The following CDH18 variants were observed in gnomAD, a reference collection of about 807,000 sequenced individuals.
CDH18 encodes cadherin-18.
CDH18 carries 31 observed loss-of-function variants against 67.9 expected under a neutral mutation model. That is an observed-to-expected ratio of 0.46 (90% confidence interval 0.34 to 0.62). The LOEUF (loss-of-function observed/expected upper bound fraction) is 0.62. Ranked by LOEUF, CDH18 falls within the 20% of genes least tolerant of loss-of-function variation. CDH18 has a pLI of 0.01. For missense variants in CDH18, 890 were observed against 975.5 expected (o/e 0.91, Z 1.17); for synonymous variants, 362 against 347.2 (o/e 1.04, Z -0.48).
intron 1 of CDH18, among the ~76,000 whole-genome samples, chr5:20,430,442 T>C (rs1748650347): frequency 6.6e-6 from 1 of 152,104 alleles, no homozygotes; most frequent in African/African-American, 2.4e-5. Context: ...TTCTCACCCA[T>C]AGCTGCCATC....
chr5:20,198,035 T>C (rs1318377623), intron 2 of CDH18, among the ~76,000 whole-genome samples: 1 of 152,078 alleles, frequency 6.6e-6, no homozygotes, highest in Non-Finnish European at 1.5e-5. Context: ...TACCGCCCTG[T>C]GAAGAGGTGC....
At chr5:20,183,373 T>C (rs1436614231) in intron 2 of CDH18, among the ~76,000 whole-genome samples, 1 of 152,088 alleles carries the variant, frequency 6.6e-6, no homozygotes, top group Non-Finnish European at 1.5e-5. Context: ...CTATTTCATT[T>C]AGAAAAATGA....
At chr5:19,681,180 A>G (rs543271321) in intron 5 of CDH18, among the ~76,000 whole-genome samples, 1 of 152,114 alleles carries the variant, frequency 6.6e-6, no homozygotes, top group East Asian at 1.9e-4. Context: ...CAAATACTGC[A>G]TTTTCTCACT....
At chr5:19,837,761 A>AT (rs200737503) in intron 3 of CDH18, among the ~76,000 whole-genome samples, 2,947 of 151,056 alleles carry the variant, frequency 0.02, 83 homozygotes, top group Admixed American at 0.065. Context: ...ATGGAATACT[A>AT]TTTTTTTTAG....
intron 8 of CDH18, among the ~76,000 whole-genome samples, chr5:19,554,862 TTTAA>T (rs576435070): frequency 1.3e-3 from 200 of 152,202 alleles, no homozygotes; most frequent in African/African-American, 4.7e-3. Flanking sequence ...TAATTAATAA[TTTAA>T]TTATTTTAGA....
At chr5:19,741,224 CATGTATATATGTACATATATGT>C (rs1231861146) in intron 4 of CDH18, among the ~76,000 whole-genome samples, 1 of 73,840 alleles carries the variant, frequency 1.4e-5, no homozygotes, top group African/African-American at 2.8e-5. Context: ...TGTATATATA[CATGTATATATGTACATATATGT>C]ATGTATATAT....
chr5:19,531,609 T>TCACACA (rs10552517), intron 9 of CDH18, among the ~76,000 whole-genome samples: 31 of 148,814 alleles, frequency 2.1e-4, no homozygotes, highest in South Asian at 4.3e-4. Flanking sequence ...ATGTGTGTTC[T>TCACACA]CACACACACA....
intron 6 of CDH18, among the ~76,000 whole-genome samples, chr5:19,596,572 A>T (rs189546874): frequency 2.0e-5 from 3 of 152,174 alleles, no homozygotes; most frequent in Non-Finnish European, 4.4e-5. Context: ...AAATAAATAC[A>T]TTATAGAATT....
intron 2 of CDH18, among the ~76,000 whole-genome samples, chr5:19,876,221 G>A (rs1230349981): frequency 6.6e-6 from 1 of 152,020 alleles, no homozygotes; most frequent in African/African-American, 2.4e-5. Context: ...TATTGACAAA[G>A]AAATAATGAT....
chr5:19,561,691 T>C (rs1739478211), intron 8 of CDH18, among the ~76,000 whole-genome samples: 1 of 152,102 alleles, frequency 6.6e-6, no homozygotes. Context: ...AACAAGTAGT[T>C]GTATGACTAA....
At chr5:20,288,283 GA>G (rs768336565) in intron 1 of CDH18, among the ~76,000 whole-genome samples, 6 of 151,594 alleles carry the variant, frequency 4.0e-5, no homozygotes, top group Admixed American at 2.6e-4. Flanking sequence ...AGCATGTCTG[GA>G]AAAAGTGAAT....
chr5:20,233,726 T>C (rs1240993043), intron 2 of CDH18, among the ~76,000 whole-genome samples: 1 of 152,162 alleles, frequency 6.6e-6, no homozygotes, highest in Non-Finnish European at 1.5e-5. Context: ...AGTATTGTTA[T>C]CATATCTGTT....
chr5:20,324,012 T>C (rs1738293439), intron 1 of CDH18, among the ~76,000 whole-genome samples: 1 of 152,188 alleles, frequency 6.6e-6, no homozygotes, highest in Admixed American at 6.5e-5. Context: ...AGATTAATCT[T>C]CTTTCACACA....
intron 3 of CDH18, among the ~76,000 whole-genome samples, chr5:19,797,753 T>TC (rs1777010253): frequency 6.6e-6 from 1 of 152,090 alleles, no homozygotes; most frequent in South Asian, 2.1e-4. Context: ...TGTCAGTTCT[T>TC]CCCAAATCTA....
intron 1 of CDH18, among the ~76,000 whole-genome samples, chr5:20,510,827 C>A (rs1754987856): frequency 6.6e-6 from 1 of 151,948 alleles, no homozygotes; most frequent in Admixed American, 6.6e-5. Context: ...AGTGTTAATG[C>A]AATGTTATTA....
At chr5:20,475,286 ATTT>A (rs112011491) in intron 1 of CDH18, among the ~76,000 whole-genome samples, 4 of 151,612 alleles carry the variant, frequency 2.6e-5, no homozygotes, top group African/African-American at 9.7e-5. Flanking sequence ...GCATTTGCTG[ATTT>A]TTTTTTATGT....
intron 9 of CDH18, among the ~76,000 whole-genome samples, chr5:19,528,062 T>A (rs1748016197): frequency 6.6e-6 from 1 of 151,892 alleles, no homozygotes; most frequent in Non-Finnish European, 1.5e-5. Flanking sequence ...GAAATTGTAT[T>A]GATTATAAAG....
intron 8 of CDH18, among the ~76,000 whole-genome samples, chr5:19,548,752 C>CCTT (rs915347188): frequency 7.3e-6 from 1 of 137,844 alleles, no homozygotes. Context: ...TATTTATCAG[C>CCTT]TTTTTTTTTT....
At chr5:20,345,317 C>T (rs530330417) in intron 1 of CDH18, among the ~76,000 whole-genome samples, 53 of 152,236 alleles carry the variant, frequency 3.5e-4, no homozygotes, top group African/African-American at 1.1e-3. Flanking sequence ...GTAATTCTCA[C>T]GATAAGGCAA....
Sources: gnomAD v4.1 joint callset for allele counts (sites outside exome capture counted in the v4.1 genomes callset) on GRCh38, gnomAD v4.1.1 for gene constraint, MANE v1.5 for transcripts, NCBI Gene and HGNC (gene_info 2026-07-23, HGNC 2026-07-21) for gene names.